MAGI2: variants seen among roughly 807,000 people sequenced by gnomAD.
MAGI2 encodes membrane-associated guanylate kinase, WW and PDZ domain-containing protein 2.
MAGI2 carries 35 observed loss-of-function variants against 133.3 expected under a neutral mutation model. The ratio of observed to expected loss-of-function variants is 0.26; its 90% confidence interval spans 0.20 to 0.35. The LOEUF (loss-of-function observed/expected upper bound fraction) is 0.35, where lower values mean the gene tolerates loss of function less well. Among genes scored for constraint, MAGI2 ranks in the 10% least tolerant of loss-of-function variants. The pLI, the probability that MAGI2 is intolerant of heterozygous loss-of-function variation, is 1.00. For synonymous variants in MAGI2, 729 were observed against 710.6 expected (o/e 1.03, Z -0.41); for missense variants, 1,636 against 1,863.4 (o/e 0.88, Z 2.25).
chr7:79,157,039 G>T (rs75478681), intron 1 of MAGI2, among the ~76,000 whole-genome samples: 1 of 151,948 alleles, frequency 6.6e-6, no homozygotes, highest in African/African-American at 2.4e-5. Flanking sequence ...TTTTCTCCTA[G>T]GAAGTTGTTG....
intron 21 of MAGI2, among the ~76,000 whole-genome samples, chr7:78,044,326 C>T (rs543965513): frequency 6.6e-6 from 1 of 152,182 alleles, no homozygotes; most frequent in South Asian, 2.1e-4. Flanking sequence ...CTTTCTTTTC[C>T]TCTCTCCAAC....
At chr7:78,486,093 GGAA>G (rs1792972791) in intron 6 of MAGI2, 1 of 152,074 alleles carries the variant, frequency 6.6e-6, no homozygotes, top group Non-Finnish European at 1.5e-5. Flanking sequence ...ACTTGGCCTG[GGAA>G]GAAGGCCGCT....
At chr7:78,725,801 T>TACA (rs1414403406) in intron 2 of MAGI2, among the ~76,000 whole-genome samples, 1 of 148,492 alleles carries the variant, frequency 6.7e-6, no homozygotes, top group Non-Finnish European at 1.5e-5. Flanking sequence ...TCGGTCTCAA[T>TACA]ACAACAACAA....
Position 79,199,104 on chromosome 7 carries a change from T to C in MAGI2, c.302-191898A>G, listed in dbSNP as rs188064389. 5.7e-3 allele frequency among the ~76,000 whole-genome samples: 869 copies of C among 152,154 alleles called. 6 individuals are homozygous for C. Among genetic ancestry groups the C allele is most frequent in the Non-Finnish European group, 9.0e-3 (611 of 68,028 alleles). On this transcript the variant is annotated intron_variant, in intron 1 of 21. Transcript: ENST00000354212. ...ATTACGAAATCCACAAACTATCTAA[T>C]TTAATGAATTATTTAATAGATTATT...
At chr7:78,662,403 A>T (rs321994) in intron 2 of MAGI2, among the ~76,000 whole-genome samples, 95,186 of 151,944 alleles carry the variant, frequency 0.63, 30,227 homozygotes, top group East Asian at 0.92. Context: ...TTAGTTACCA[A>T]CAATCGAAAC....
intron 3 of MAGI2, among the ~76,000 whole-genome samples, chr7:78,539,878 G>T (rs920994783): frequency 1.3e-5 from 2 of 152,206 alleles, no homozygotes. Flanking sequence ...TGTGCTGACA[G>T]TGAAGGTTTC....
Position 78,649,701 on chromosome 7 carries a change from T to A in MAGI2, c.419-22462A>T, listed in dbSNP as rs760021719. Among the ~76,000 whole-genome samples the A allele has an allele frequency of 1.1e-3, 167 of 152,086 alleles. 2 individuals are homozygous for A. Among genetic ancestry groups the A allele is most frequent in the Non-Finnish European group, 1.8e-4 (12 of 68,010 alleles). ...TTATCCCTAGGTCTATAAAGCCCCATGTTTTGGCCTGGTCATCCCTGTTGT... is the reference window on the plus strand; with the variant it reads ...TTATCCCTAGGTCTATAAAGCCCCAAGTTTTGGCCTGGTCATCCCTGTTGT... On this transcript the variant is annotated intron_variant, in intron 2 of 21. Transcript: ENST00000354212.
chr7:78,289,894 C>A (rs1050755532), intron 9 of MAGI2, among the ~76,000 whole-genome samples: 9 of 152,116 alleles, frequency 5.9e-5, no homozygotes, highest in Non-Finnish European at 1.2e-4. Flanking sequence ...TACAGACAAG[C>A]AAATGCTGAG....
chr7:78,167,960 T>C lies in MAGI2; in HGVS notation c.2552A>G (p.Asn851Ser), dbSNP rs1468976340. 2.5e-6 allele frequency: 4 copies of C among 1,614,118 alleles called. No individual in the cohort carries two copies. Among genetic ancestry groups the C allele is most frequent in the Admixed American group, 1.7e-5 (1 of 60,026 alleles). ...VIDLMHHAAR[N>S]GQVNLTVRRK... Reference sequence around the variant, plus strand: ...TCTCACAGTGAGGTTGACCTGCCCATTGCGGGCTGCGTGGTGCATGAGGTC... The same window carrying C: ...TCTCACAGTGAGGTTGACCTGCCCACTGCGGGCTGCGTGGTGCATGAGGTC... Residue 851 changes from asparagine (N) to serine (S), a missense_variant, in exon 15 of 22, where the codon AAT becomes AGT. Physicochemically the swap from Asn to Ser is conservative, Grantham distance 46 (BLOSUM62 1). This residue lies in a region of MAGI2 where 920 missense variants were observed against 1,093.5 expected (regional missense o/e 0.84). Transcript: ENST00000354212.
Position 79,365,867 on chromosome 7 carries a change from C to CAAAAAAAAAAAAA in MAGI2, c.301+87140_301+87152dup, listed in dbSNP as rs71095399. Among the ~76,000 whole-genome samples the CAAAAAAAAAAAAA allele has an allele frequency of 1.5e-3, 71 of 48,862 alleles. 2 individuals are homozygous for CAAAAAAAAAAAAA. Among genetic ancestry groups the CAAAAAAAAAAAAA allele is most frequent in the African/African-American group, 5.2e-3 (70 of 13,396 alleles). 32.1% of individuals were successfully genotyped at this position (48,862 alleles called of 152,430 possible). On this transcript the variant is annotated intron_variant, in intron 1 of 21. Coordinates refer to ENST00000354212, the MANE Select transcript of MAGI2 (RefSeq NM_012301.4). ...GGGTAATAGAGTGAGACTCTTGTCT[C>CAAAAAAAAAAAAA]AAAAAAAAAAAAAAAAAAAAAAAGT...
intron 10 of MAGI2, among the ~76,000 whole-genome samples, chr7:78,218,957 T>C (rs541108750): frequency 6.6e-6 from 1 of 152,276 alleles, no homozygotes; most frequent in East Asian, 1.9e-4. Flanking sequence ...GCCTCTTCTG[T>C]CCTCGTCTAC....
chr7:78,289,475 T>C (rs542527524), intron 9 of MAGI2, among the ~76,000 whole-genome samples: 7 of 152,292 alleles, frequency 4.6e-5, no homozygotes, highest in African/African-American at 1.7e-4. Context: ...CTACATCTGA[T>C]TGGTGTACCT....
At chr7:79,367,849 T>C (rs1178892613) in intron 1 of MAGI2, among the ~76,000 whole-genome samples, 1 of 73,324 alleles carries the variant, frequency 1.4e-5, no homozygotes, top group Non-Finnish European at 2.6e-5. Context: ...TATATGCTTA[T>C]ATATGTGACA....
At chr7:78,379,954 T>C (rs1310051414) in intron 6 of MAGI2, among the ~76,000 whole-genome samples, 5 of 151,622 alleles carry the variant, frequency 3.3e-5, no homozygotes, top group Admixed American at 2.6e-4. Flanking sequence ...AAAGAGGAAA[T>C]GTTAACTGAA....
chr7:79,315,642 A>C (rs1484537767), intron 1 of MAGI2, among the ~76,000 whole-genome samples: 1 of 152,116 alleles, frequency 6.6e-6, no homozygotes, highest in Non-Finnish European at 1.5e-5. Flanking sequence ...CTTAATTTGA[A>C]GCAGCATTCA....
chr7:78,260,999 AC>A (rs141583684), intron 9 of MAGI2, among the ~76,000 whole-genome samples: 4,006 of 151,968 alleles, frequency 0.026, 182 homozygotes, highest in African/African-American at 0.092. Flanking sequence ...TCTTTCCTCT[AC>A]CCCCGCATTC....
At chr7:78,828,326 T>A (rs991014892) in intron 2 of MAGI2, among the ~76,000 whole-genome samples, 2 of 152,238 alleles carry the variant, frequency 1.3e-5, no homozygotes, top group Admixed American at 1.3e-4. Context: ...GCATCAATAC[T>A]GATAAGCCAT....
chr7:78,680,108 T>C (rs1189549239), intron 2 of MAGI2, among the ~76,000 whole-genome samples: 1 of 152,194 alleles, frequency 6.6e-6, no homozygotes, highest in East Asian at 1.9e-4. Flanking sequence ...TTGCATTTTT[T>C]AGCCATAAGT....
chr7:78,087,378 C>G (rs1203417984), intron 20 of MAGI2, among the ~76,000 whole-genome samples: 1 of 152,094 alleles, frequency 6.6e-6, no homozygotes, highest in African/African-American at 2.4e-5. Context: ...CAGGTTTGAT[C>G]ATGATCAAAT....
Sources: gnomAD v4.1 joint callset for allele counts (sites outside exome capture counted in the v4.1 genomes callset) on GRCh38, gnomAD v4.1.1 for gene constraint, gnomAD v4.1.1 regional missense constraint, MANE v1.5 for transcripts, NCBI Gene and HGNC (gene_info 2026-07-23, HGNC 2026-07-21) for gene names.